KCTD21: variants seen among roughly 807,000 people sequenced by gnomAD.
KCTD21 encodes potassium channel tetramerization domain containing 21.
In KCTD21, 9 loss-of-function variants were observed where a neutral mutation model predicts 13.2. The observed-to-expected ratio is 0.68, with a 90% confidence interval of 0.41 to 1.19. The LOEUF is 1.19. KCTD21 is among the 50% of genes most tolerant of loss of function. The probability of loss-of-function intolerance (pLI) is 0.01; values close to 1 mark genes in which losing one functional copy is unlikely to be tolerated. For synonymous variants in KCTD21, 142 were observed against 137.4 expected, an observed-to-expected ratio of 1.03 and a Z score of -0.23; for missense variants, 303 against 336.5, an observed-to-expected ratio of 0.90 and a Z score of 0.78.
In KCTD21 at chr11:78,172,586, A is replaced by G. The variant is rs1293588911; in HGVS notation, c.*1186T>C. On this transcript the variant is annotated 3_prime_UTR_variant, in exon 2 of 2. Coordinates refer to ENST00000340067, the MANE Select transcript of KCTD21 (RefSeq NM_001029859.3). ...ATTCTGAAGACAGATCCCAGAGGGG[A>G]ATCTGAATTCTGAGTAATGATGTTT... 1 of 152,182 alleles carries G rather than the reference A, an allele frequency of 6.6e-6. No homozygotes were observed. The highest frequency in any genetic ancestry group is 1.9e-4 in the East Asian group (1 of 5,188). The allele number at this position is 152,182 out of a possible 1,614,324, so 9.4% of individuals were successfully genotyped here. A position where few individuals can be genotyped will look rare whatever the true frequency, so the allele number is the denominator to read the frequency against.
intron 1 of KCTD21, chr11:78,187,449 G>C: frequency 1.0e-6 from 1 of 985,392 alleles, no homozygotes; most frequent in Non-Finnish European, 1.2e-6. Context: ...AGGAGAGAAA[G>C]GTGGGCTGGA....
intron 1 of KCTD21, among the ~76,000 whole-genome samples, chr11:78,178,804 A>C (rs1396508710): frequency 6.6e-6 from 1 of 152,166 alleles, no homozygotes; most frequent in Non-Finnish European, 1.5e-5. Flanking sequence ...AGGGACCCTA[A>C]GACCAATTAA....
chr11:78,185,335 G>A (rs1022047639), intron 1 of KCTD21, among the ~76,000 whole-genome samples: 3 of 152,062 alleles, frequency 2.0e-5, no homozygotes, highest in African/African-American at 7.2e-5. Context: ...AAAGAGGGGG[G>A]AAGAACACTT....
At position 78,174,199 on chromosome 11, in the gene KCTD21, CG is replaced by C; in HGVS notation, c.355del (p.Arg119ValfsTer66). ...NAMLNITLNQ[R>X]VQTVHFTVRE... ...CACAGTGAAGTGGACCGTCTGCACA[CG>C]CTGGTTCAGTGTGATGTTGAGCATG... On this transcript the variant is annotated frameshift_variant, in exon 2 of 2. Transcript: ENST00000340067. LOFTEE classifies it high-confidence loss of function. 6.2e-7 allele frequency: 1 copy of C among 1,614,058 alleles called. No homozygotes were observed. The highest frequency in any genetic ancestry group is 8.5e-7 in the Non-Finnish European group (1 of 1,180,030).
At chr11:78,184,498 G>T (rs965347103) in intron 1 of KCTD21, among the ~76,000 whole-genome samples, 1 of 151,920 alleles carries the variant, frequency 6.6e-6, no homozygotes, top group African/African-American at 2.4e-5. Flanking sequence ...CACCATGTCC[G>T]GCTAATTTTT....
chr11:78,186,402 A>AAAAAAAAAC (rs71046958), intron 1 of KCTD21, among the ~76,000 whole-genome samples: 2 of 132,012 alleles, frequency 1.5e-5, no homozygotes, highest in Non-Finnish European at 3.4e-5. Flanking sequence ...AAAAAAAAAA[A>AAAAAAAAAC]AAAAAGAAAA....
At chr11:78,188,551 A>C in intron 1 of KCTD21, 22 bp downstream of exon 1, 1 of 983,602 alleles carries the variant, frequency 1.0e-6, no homozygotes, top group Non-Finnish European at 1.2e-6. Flanking sequence ...GAGCCCCGCG[A>C]CCCCGGCCGT....
intron 1 of KCTD21, among the ~76,000 whole-genome samples, chr11:78,178,589 A>T (rs778549532): frequency 3.9e-4 from 59 of 152,244 alleles, no homozygotes; most frequent in Non-Finnish European, 7.5e-4. Context: ...TCAGTCCCCT[A>T]TGTGTTCCCA....
In KCTD21 at chr11:78,173,902, T is replaced by C. The variant is rs1042367767; in HGVS notation, c.653A>G (p.Asn218Ser). Reference sequence around the variant, plus strand: ...CTCTTCCACGAAGACCTGGAAGCTGTTGATCTGCTTGTTGGCGGGCACCAC... The same window carrying C: ...CTCTTCCACGAAGACCTGGAAGCTGCTGATCTGCTTGTTGGCGGGCACCAC... ...LWVVPANKQI[N>S]SFQVFVEEVL... Residue 218 changes from asparagine to serine, a missense_variant, in exon 2 of 2, where the codon AAC becomes AGC. Asn to Ser is a conservative substitution (Grantham distance 46). Transcript: ENST00000340067. The C allele has an allele frequency of 6.2e-7, 1 of 1,614,198 alleles. No individual in the cohort carries two copies. The highest frequency in any genetic ancestry group is 8.5e-7 in the Non-Finnish European group (1 of 1,180,044).
At chr11:78,188,123 G>T in intron 1 of KCTD21, 1 of 985,408 alleles carries the variant, frequency 1.0e-6, no homozygotes. Flanking sequence ...AGCGGGGCAA[G>T]TTCCCTGTCA....
At chr11:78,174,839 G>GC in intron 1 of KCTD21, 1 of 343,346 alleles carries the variant, frequency 2.9e-6, no homozygotes, top group South Asian at 6.5e-5. Context: ...GGTCCCCCGC[G>GC]CCCCCCTCTG....
At chr11:78,185,686 G>C (rs1034748101) in intron 1 of KCTD21, among the ~76,000 whole-genome samples, 9 of 152,036 alleles carry the variant, frequency 5.9e-5, no homozygotes, top group African/African-American at 1.9e-4. Flanking sequence ...CTGCCTCCCA[G>C]GTTCAAGTGA....
At chr11:78,181,225 A>T (rs1862608309) in intron 1 of KCTD21, among the ~76,000 whole-genome samples, 1 of 152,238 alleles carries the variant, frequency 6.6e-6, no homozygotes, top group Non-Finnish European at 1.5e-5. Context: ...CTCATATGTG[A>T]ATGTTTATGG....
intron 1 of KCTD21, chr11:78,177,727 A>G (rs1463963792): frequency 6.6e-6 from 1 of 152,324 alleles, no homozygotes; most frequent in Non-Finnish European, 1.5e-5. Context: ...TAGGATCTAT[A>G]AAGTGGCTTA....
chr11:78,188,242 C>T (rs1319649097), intron 1 of KCTD21: 1 of 984,476 alleles, frequency 1.0e-6, no homozygotes, highest in Non-Finnish European at 1.2e-6. Flanking sequence ...ACAAGTGCCC[C>T]ACCCCCACCT....
Position 78,173,320 on chromosome 11 carries a change from G to A in KCTD21, c.*452C>T, listed in dbSNP as rs902176845. Reference sequence around the variant, plus strand: ...ATGCACCCTGGGGAGGGAGGAGCAGGTGTGACAGGAACCGCTGGGGACTTT... The same window carrying A: ...ATGCACCCTGGGGAGGGAGGAGCAGATGTGACAGGAACCGCTGGGGACTTT... On this transcript the variant is annotated 3_prime_UTR_variant, in exon 2 of 2. Coordinates refer to ENST00000340067, the MANE Select transcript of KCTD21 (RefSeq NM_001029859.3). 6.2e-6 allele frequency: 1 copy of A among 162,120 alleles called. No homozygotes were observed. Among genetic ancestry groups the A allele is most frequent in the African/African-American group, 2.4e-5 (1 of 41,512 alleles). The allele number at this position is 162,120 out of a possible 1,614,324, so 10.0% of individuals were successfully genotyped here. A position where few individuals can be genotyped will look rare whatever the true frequency, so the allele number is the denominator to read the frequency against.
chr11:78,178,481 G>A (rs1463428938), intron 1 of KCTD21, among the ~76,000 whole-genome samples: 3 of 152,076 alleles, frequency 2.0e-5, no homozygotes, highest in Admixed American at 6.6e-5. Context: ...ACAAATCCAC[G>A]GCCCTGCTAC....
intron 1 of KCTD21, among the ~76,000 whole-genome samples, chr11:78,186,259 C>T (rs1012043102): frequency 1.3e-5 from 2 of 150,356 alleles, no homozygotes; most frequent in African/African-American, 4.9e-5. Context: ...GCTTGCAGTC[C>T]CAGCTGCACA....
At position 78,174,743 on chromosome 11, in the gene KCTD21, A is replaced by C. The variant is rs1565382348; in HGVS notation, c.-29-160T>G. 1.6e-5 allele frequency: 9 copies of C among 552,496 alleles called. No individual in the cohort carries two copies. The East Asian group carries it at 2.7e-4, about 16-fold the overall frequency. The allele number at this position is 552,496 out of a possible 1,614,324, so 34.2% of individuals were successfully genotyped here. On this transcript the variant is annotated intron_variant, in intron 1 of 1. Coordinates refer to ENST00000340067, the MANE Select transcript of KCTD21 (RefSeq NM_001029859.3). ...TTGCTAACACTGTGCAAAGTACATT[A>C]GCTTCACTAGGGAGAGGGAAAGGAG...
Sources: allele counts gnomAD v4.1 joint callset (sites outside exome capture counted in the v4.1 genomes callset), GRCh38; gene constraint gnomAD v4.1.1; transcripts MANE v1.5; gene names NCBI Gene and HGNC (gene_info 2026-07-23, HGNC 2026-07-21).